The following TMEM132E variants were observed in gnomAD, a reference collection of about 807,000 sequenced individuals.
TMEM132E encodes transmembrane protein 132E.
A neutral mutation model predicts 78.5 loss-of-function variants in TMEM132E; 49 were observed. The observed-to-expected ratio is 0.62, with a 90% CI of 0.50 to 0.79. The LOEUF is 0.79. TMEM132E is among the 30% of genes least tolerant of loss of function. The probability of loss-of-function intolerance (pLI) is 0.00; values close to 1 mark genes in which losing one functional copy is unlikely to be tolerated. For synonymous variants in TMEM132E, 715 were observed against 670.6 expected (o/e 1.07, Z -1.02); for missense variants, 1,403 against 1,470.9 (o/e 0.95, Z 0.75).
intron 1 of TMEM132E, among the ~76,000 whole-genome samples, chr17:34,615,136 CCCTGGGTTTCCCCAGGAGCAGGACTAG>C (rs1429642192): frequency 2.0e-5 from 2 of 99,034 alleles, no homozygotes; most frequent in Admixed American, 2.6e-4. Flanking sequence ...AGTCTTCCCT[CCCTGGGTTTCCCCAGGAGCAGGACTAG>C]GAGGCCAGTT....
intron 6 of TMEM132E, among the ~76,000 whole-genome samples, chr17:34,633,315 G>C (rs1907412365): frequency 6.6e-6 from 1 of 152,236 alleles, no homozygotes; most frequent in South Asian, 2.1e-4. Context: ...GAAAGGAGTT[G>C]GCTGGGGAGA....
intron 7 of TMEM132E, among the ~76,000 whole-genome samples, chr17:34,635,538 G>A (rs1424100475): frequency 6.6e-6 from 1 of 152,210 alleles, no homozygotes; most frequent in East Asian, 1.9e-4. Flanking sequence ...TTGATCCAAT[G>A]TGTTTTAAAT....
intron 2 of TMEM132E, among the ~76,000 whole-genome samples, chr17:34,627,467 CGTGTGTGTGTGT>C (rs145658598): frequency 7.9e-6 from 1 of 126,468 alleles, no homozygotes; most frequent in Admixed American, 8.2e-5. Context: ...CCAAAAGAAT[CGTGTGTGTGTGT>C]GTGTGTGTGT....
chr17:34,635,139 T>C (rs1907480566), intron 7 of TMEM132E, 52 bp downstream of exon 7: 1 of 1,513,312 alleles, frequency 6.6e-7, no homozygotes, highest in Non-Finnish European at 8.9e-7. Flanking sequence ...GAGCCTTATT[T>C]ACCTGTGGGT....
chr17:34,628,467 C>T (rs1177873862), intron 2 of TMEM132E, 96 bp from the exon 3 acceptor site: 6 of 1,415,896 alleles, frequency 4.2e-6, no homozygotes, highest in Non-Finnish European at 5.7e-6. Flanking sequence ...TTATCTGTTC[C>T]CCCTCCCCCC....
intron 1 of TMEM132E, among the ~76,000 whole-genome samples, chr17:34,600,770 C>T (rs951469159): frequency 6.6e-5 from 10 of 152,126 alleles, no homozygotes; most frequent in African/African-American, 2.4e-4. Flanking sequence ...GGGCACCTTG[C>T]ACGTGGCCTT....
At chr17:34,584,465 G>A (rs1294571480) in intron 1 of TMEM132E, among the ~76,000 whole-genome samples, 1 of 152,212 alleles carries the variant, frequency 6.6e-6, no homozygotes, top group Non-Finnish European at 1.5e-5. Flanking sequence ...TACTTTTCTA[G>A]CACTTTTTCC....
intron 1 of TMEM132E, among the ~76,000 whole-genome samples, chr17:34,595,039 C>A (rs893571860): frequency 1.3e-5 from 2 of 152,228 alleles, no homozygotes; most frequent in African/African-American, 4.8e-5. Context: ...CAGGGACTGG[C>A]CTACCCGGAC....
At position 34,638,196 on chromosome 17, in the gene TMEM132E, G is replaced by A. The variant is rs1422779022; in HGVS notation, c.3189G>A (p.Leu1063=). 3.7e-6 allele frequency: 6 copies of A among 1,602,714 alleles called. No homozygotes were observed. In the Admixed American group the frequency reaches 8.6e-5, roughly 23 times the overall value. Residue 1063 remains leucine, a synonymous_variant, in exon 9 of 9, where the codon CTG becomes CTA. Coordinates refer to ENST00000631683, the MANE Select transcript of TMEM132E (RefSeq NM_001304438.2). ...GPTRPTAPPD[L]HNYMRRIKEI... is the part of the protein sequence containing the mutation. ...CGCGGCCCACTGCACCCCCGGACCT[G>A]CACAATTACATGCGCAGAATCAAAG...
chr17:34,598,378 A>C lies in TMEM132E; in HGVS notation c.67+17235A>C, dbSNP rs183865793. On this transcript the variant is annotated intron_variant, in intron 1 of 8. Transcript: ENST00000631683. ...GACAGTCCCATCAGAGAGTCCCATCACCTATCTGCCCCCTGATTACCTGGG... is the reference window on the plus strand; with the variant it reads ...GACAGTCCCATCAGAGAGTCCCATCCCCTATCTGCCCCCTGATTACCTGGG... 1.2e-4 allele frequency among the ~76,000 whole-genome samples: 18 copies of C among 151,966 alleles called. 1 individual carries two copies. In the East Asian group the frequency reaches 3.3e-3, roughly 28 times the overall value.
intron 5 of TMEM132E, among the ~76,000 whole-genome samples, chr17:34,631,682 A>T (rs1907354198): frequency 6.6e-6 from 1 of 152,030 alleles, no homozygotes; most frequent in Non-Finnish European, 1.5e-5. Flanking sequence ...AGCGTTTGGG[A>T]TGCCCCAGGG....
At chr17:34,610,038 C>T (rs1906535971) in intron 1 of TMEM132E, among the ~76,000 whole-genome samples, 1 of 152,124 alleles carries the variant, frequency 6.6e-6, no homozygotes, top group South Asian at 2.1e-4. Context: ...CCAATCAGTC[C>T]TCGAGTTTCT....
At chr17:34,635,109 G>C in intron 7 of TMEM132E, 22 bp downstream of exon 7, 1 of 1,582,270 alleles carries the variant, frequency 6.3e-7, no homozygotes, top group Non-Finnish European at 8.6e-7. Flanking sequence ...CTCTGTCCCA[G>C]CACAAAGGGG....
intron 1 of TMEM132E, among the ~76,000 whole-genome samples, chr17:34,621,564 G>C (rs1906959586): frequency 6.6e-6 from 1 of 152,202 alleles, no homozygotes; most frequent in Non-Finnish European, 1.5e-5. Flanking sequence ...AGTCAGAGGA[G>C]ACATGGAGAA....
chr17:34,635,773 C>A (rs781766186), intron 7 of TMEM132E: 1 of 392,742 alleles, frequency 2.5e-6, no homozygotes, highest in Non-Finnish European at 4.5e-6. Context: ...AATTGGCCCA[C>A]CTCTCTCATT....
chr17:34,593,608 G>C (rs1905955852), intron 1 of TMEM132E, among the ~76,000 whole-genome samples: 3 of 152,342 alleles, frequency 2.0e-5, no homozygotes, highest in Admixed American at 2.0e-4. Flanking sequence ...CTCAGTGCCT[G>C]CTCAGCCCTT....
At chr17:34,613,211 A>ACGCACGCGCGCG (rs1906663362) in intron 1 of TMEM132E, among the ~76,000 whole-genome samples, 1 of 115,856 alleles carries the variant, frequency 8.6e-6, no homozygotes, top group Non-Finnish European at 1.8e-5. Context: ...ACACACACAC[A>ACGCACGCGCGCG]CGCGCGCGCG....
intron 1 of TMEM132E, among the ~76,000 whole-genome samples, chr17:34,619,222 G>A (rs1195002208): frequency 6.7e-6 from 1 of 148,374 alleles, no homozygotes; most frequent in African/African-American, 2.5e-5. Flanking sequence ...TTGACAAAAA[G>A]ATGTGTTTTG....
chr17:34,631,149 T>G (rs1907333786), intron 5 of TMEM132E, among the ~76,000 whole-genome samples: 1 of 152,238 alleles, frequency 6.6e-6, no homozygotes, highest in Admixed American at 6.5e-5. Flanking sequence ...CTTCTCCTCC[T>G]TGTCACTTGG....
Sources: gnomAD v4.1 joint callset for allele counts (sites outside exome capture counted in the v4.1 genomes callset) on GRCh38, gnomAD v4.1.1 for gene constraint, MANE v1.5 for transcripts, NCBI Gene and HGNC (gene_info 2026-07-23, HGNC 2026-07-21) for gene names.